The following MSRB3 variants were observed in gnomAD, a reference collection of about 807,000 sequenced individuals.
MSRB3 encodes the protein methionine-R-sulfoxide reductase B3.
A neutral mutation model predicts 21.0 loss-of-function variants in MSRB3; 13 were observed. The observed-to-expected ratio is 0.62, with a 90% CI of 0.40 to 0.98. MSRB3 has a LOEUF of 0.98. Among genes scored for constraint, MSRB3 ranks in the 50% least tolerant of loss-of-function variants. The probability of loss-of-function intolerance (pLI) is 0.00; values close to 1 mark genes in which losing one functional copy is unlikely to be tolerated. For synonymous variants in MSRB3, 87 were observed against 88.6 expected, an observed-to-expected ratio of 0.98 and a Z score of 0.10; for missense variants, 199 against 230.3, an observed-to-expected ratio of 0.86 and a Z score of 0.88.
chr12:65,349,751 G>C (rs1361744893), intron 4 of MSRB3, among the ~76,000 whole-genome samples: 1 of 150,614 alleles, frequency 6.6e-6, no homozygotes, highest in African/African-American at 2.5e-5. Flanking sequence ...CTTTTTGATG[G>C]GGTTGTTTGT....
At chr12:65,350,918 A>G (rs1442093802) in intron 4 of MSRB3, among the ~76,000 whole-genome samples, 4 of 148,096 alleles carry the variant, frequency 2.7e-5, no homozygotes, top group Non-Finnish European at 5.9e-5. Context: ...CAGAAAGTCA[A>G]CAAGGATACC....
chr12:65,404,698 G>A (rs954106174), intron 5 of MSRB3, among the ~76,000 whole-genome samples: 11 of 152,118 alleles, frequency 7.2e-5, no homozygotes, highest in African/African-American at 1.7e-4. Context: ...TTTGAAATAT[G>A]TATACATTGT....
At chr12:65,319,513 C>G (rs1874523004) in intron 2 of MSRB3, among the ~76,000 whole-genome samples, 1 of 152,148 alleles carries the variant, frequency 6.6e-6, no homozygotes, top group Admixed American at 6.5e-5. Flanking sequence ...TGTTAACTCT[C>G]TTTACACAAA....
intron 2 of MSRB3, among the ~76,000 whole-genome samples, chr12:65,326,528 A>G (rs1875042813): frequency 6.6e-6 from 1 of 152,190 alleles, no homozygotes; most frequent in Admixed American, 6.5e-5. Flanking sequence ...GTTTCAGGAT[A>G]CTGGGAGTTA....
chr12:65,297,665 A>C (rs1873058348), intron 1 of MSRB3, among the ~76,000 whole-genome samples: 1 of 152,194 alleles, frequency 6.6e-6, no homozygotes, highest in Non-Finnish European at 1.5e-5. Flanking sequence ...ATGGGTCTTG[A>C]ATACCAGGAT....
chr12:65,326,072 A>G (rs1341487417), intron 2 of MSRB3, among the ~76,000 whole-genome samples: 1 of 152,070 alleles, frequency 6.6e-6, no homozygotes, highest in African/African-American at 2.4e-5. Flanking sequence ...AAATATTCAC[A>G]TTTCCTTTTT....
chr12:65,462,965 T>C (rs1312627648), intron 6 of MSRB3, among the ~76,000 whole-genome samples, 190 bp from the exon 7 acceptor site: 2 of 152,234 alleles, frequency 1.3e-5, no homozygotes, highest in African/African-American at 4.8e-5. Flanking sequence ...GTGTTTTTTG[T>C]TCTCAGCATG....
At chr12:65,289,061 A>T (rs962627482) in intron 1 of MSRB3, among the ~76,000 whole-genome samples, 2 of 152,238 alleles carry the variant, frequency 1.3e-5, no homozygotes, top group South Asian at 2.1e-4. Context: ...CATTTCCTGT[A>T]CTCAGAAGTA....
intron 5 of MSRB3, among the ~76,000 whole-genome samples, chr12:65,383,174 A>G (rs1183411687): frequency 1.3e-5 from 2 of 152,210 alleles, no homozygotes; most frequent in African/African-American, 4.8e-5. Context: ...ATGTGATTTC[A>G]TGAATTTGTA....
At position 65,344,064 on chromosome 12, in the gene MSRB3, A is replaced by G. The variant is rs1344870866; in HGVS notation, c.263+15461A>G. 3 of 152,084 alleles carry G rather than the reference A, an allele frequency of 2.0e-5. No homozygotes were observed. In the South Asian group the frequency reaches 6.2e-4, roughly 31 times the overall value. The allele number at this position is 152,084 out of a possible 1,614,324, so 9.4% of individuals were successfully genotyped here. ...TACCCTTGTCACAAGAACTTTTGAG[A>G]GGATTAAGTAAATAATGTTGAAATG... On this transcript the variant is annotated intron_variant, in intron 4 of 6. Transcript: ENST00000308259.
intron 5 of MSRB3, among the ~76,000 whole-genome samples, chr12:65,401,185 G>C (rs1000620063): frequency 2.6e-5 from 4 of 152,170 alleles, no homozygotes; most frequent in Non-Finnish European, 5.9e-5. Context: ...CTGTCTTGTG[G>C]ATCTGTCTAA....
chr12:65,298,338 G>A (rs1483710905), intron 1 of MSRB3, among the ~76,000 whole-genome samples: 1 of 152,176 alleles, frequency 6.6e-6, no homozygotes, highest in Non-Finnish European at 1.5e-5. Flanking sequence ...AATACAGACA[G>A]AATAATTAGT....
At chr12:65,327,342 A>C (rs1317025897) in intron 3 of MSRB3, among the ~76,000 whole-genome samples, 1 of 152,250 alleles carries the variant, frequency 6.6e-6, no homozygotes, top group African/African-American at 2.4e-5. Flanking sequence ...TGCAAAAAGA[A>C]GGTAGCATAA....
intron 4 of MSRB3, among the ~76,000 whole-genome samples, chr12:65,365,883 G>C (rs1370115873): frequency 6.6e-6 from 1 of 152,164 alleles, no homozygotes; most frequent in Non-Finnish European, 1.5e-5. Flanking sequence ...GGGCCAAGCT[G>C]GGGGAGAGGA....
chr12:65,315,365 C>T (rs913648398), intron 2 of MSRB3, among the ~76,000 whole-genome samples: 24 of 151,584 alleles, frequency 1.6e-4, no homozygotes, highest in African/African-American at 5.1e-4. Context: ...TTTAAAAATG[C>T]GTGTTATAAA....
rs557599183 is a variant in MSRB3, at chr12:65,296,627, C to T, written c.-51-11902C>T. Among the ~76,000 whole-genome samples, 13 of 152,258 alleles carry T rather than the reference C, an allele frequency of 8.5e-5. No individual in the cohort carries two copies. In the South Asian group the frequency reaches 1.9e-3, roughly 22 times the overall value. ...GACTCTTTCCTGTATACTGCACTGC[C>T]TAGACAGCAATACAGGATACCCTAG... On this transcript the variant is annotated intron_variant, in intron 1 of 6. Transcript: ENST00000308259.
At chr12:65,420,150 C>T (rs1881211565) in intron 5 of MSRB3, 2 of 342,758 alleles carry the variant, frequency 5.8e-6, no homozygotes, top group Admixed American at 7.7e-5. Flanking sequence ...CTCAGCACCA[C>T]TGAAGAGAAT....
At chr12:65,365,564 C>T (rs1050928642) in intron 4 of MSRB3, among the ~76,000 whole-genome samples, 4 of 152,082 alleles carry the variant, frequency 2.6e-5, no homozygotes, top group African/African-American at 9.7e-5. Context: ...GGCTTTCAAA[C>T]CTTTTTGTCC....
Position 65,330,457 on chromosome 12 carries a change from G to T in MSRB3, c.263+1854G>T, listed in dbSNP as rs574363533. 1.8e-4 allele frequency among the ~76,000 whole-genome samples: 27 copies of T among 151,942 alleles called. No individual in the cohort carries two copies. The South Asian group carries it at 5.6e-3, about 32-fold the overall frequency. On this transcript the variant is annotated intron_variant, in intron 4 of 6. Transcript: ENST00000308259. ...TTTTACTTGCTTTCTTGTCTATTTT[G>T]GGAAAAATTCCTTGCTGTATCCTTC... is the stretch of plus-strand genomic sequence containing the variant.
Sources: allele counts gnomAD v4.1 joint callset (sites outside exome capture counted in the v4.1 genomes callset), GRCh38; gene constraint gnomAD v4.1.1; transcripts MANE v1.5; gene names NCBI Gene and HGNC (gene_info 2026-07-23, HGNC 2026-07-21).